Variants in PRKCE observed in about 807,000 individuals in gnomAD.
PRKCE encodes protein kinase C epsilon type.
In PRKCE, 16 loss-of-function variants were observed where a neutral mutation model predicts 85.4. That is an observed-to-expected ratio of 0.19 (90% CI 0.13 to 0.28). The LOEUF (loss-of-function observed/expected upper bound fraction) is 0.28, where lower values mean the gene tolerates loss of function less well. Ranked by LOEUF, PRKCE falls within the 10% of genes least tolerant of loss-of-function variation. The pLI is 1.00. For missense variants in PRKCE, 573 were observed against 975.2 expected (o/e 0.59, Z 5.49); for synonymous variants, 388 against 371.5 (o/e 1.04, Z -0.51).
Position 46,155,673 on chromosome 2 carries a change from G to A in PRKCE, c.1921-3933G>A, listed in dbSNP as rs146267569. On this transcript the variant is annotated intron_variant, in intron 13 of 14. Transcript: ENST00000306156. The surrounding 1 kb of genome is among the most constrained non-coding windows in gnomAD (Gnocchi z 4.7). ...CTCAAATTCCTTGGTTCAGTAAATGGCACCCTGTCTTCCTTTCTAAACAGA... is the reference window on the plus strand; with the variant it reads ...CTCAAATTCCTTGGTTCAGTAAATGACACCCTGTCTTCCTTTCTAAACAGA... Among the ~76,000 whole-genome samples, 19 of 152,162 alleles carry A rather than the reference G, an allele frequency of 1.2e-4. No individual in the cohort carries two copies. The East Asian group carries it at 3.7e-3, about 29-fold the overall frequency.
chr2:45,735,178 A>G (rs1221972142), intron 1 of PRKCE, among the ~76,000 whole-genome samples: 1 of 152,234 alleles, frequency 6.6e-6, no homozygotes, highest in East Asian at 1.9e-4. Flanking sequence ...CATGTGGTCC[A>G]TCACCCCTGC....
At chr2:45,770,550 A>C (rs1235953471) in intron 1 of PRKCE, among the ~76,000 whole-genome samples, 2 of 152,208 alleles carry the variant, frequency 1.3e-5, no homozygotes, top group East Asian at 1.9e-4. Flanking sequence ...CTACCTTCAC[A>C]GGAGGACCAG....
intron 11 of PRKCE, among the ~76,000 whole-genome samples, chr2:46,098,042 G>A (rs1670874626): frequency 6.6e-6 from 1 of 152,224 alleles, no homozygotes; most frequent in East Asian, 1.9e-4. Context: ...GAGCAAACAG[G>A]AAGTTTGGAA....
chr2:45,948,721 G>A (rs1700409045), intron 2 of PRKCE, among the ~76,000 whole-genome samples: 1 of 152,106 alleles, frequency 6.6e-6, no homozygotes, highest in Non-Finnish European at 1.5e-5. Context: ...GGGGATTCCT[G>A]CTCTTTCTGT....
intron 1 of PRKCE, among the ~76,000 whole-genome samples, chr2:45,735,329 A>G (rs1182225318): frequency 6.6e-6 from 1 of 152,242 alleles, no homozygotes; most frequent in East Asian, 1.9e-4. Context: ...CATATGAACA[A>G]ATATATCTCG....
chr2:45,779,379 A>G (rs1237474632), intron 1 of PRKCE, among the ~76,000 whole-genome samples: 1 of 152,152 alleles, frequency 6.6e-6, no homozygotes, highest in Non-Finnish European at 1.5e-5. Flanking sequence ...GGATGAAGGC[A>G]CAGAGGCGGC....
intron 2 of PRKCE, among the ~76,000 whole-genome samples, chr2:45,925,753 A>T (rs1698569505): frequency 6.6e-6 from 1 of 152,222 alleles, no homozygotes; most frequent in South Asian, 2.1e-4. Context: ...GCTGACTTCT[A>T]TTAGGACTCT....
chr2:45,927,997 A>G (rs2104007720), intron 2 of PRKCE, among the ~76,000 whole-genome samples: 1 of 152,296 alleles, frequency 6.6e-6, no homozygotes, highest in East Asian at 1.9e-4. Flanking sequence ...TGATGAGCCC[A>G]GGGCCGAGGA....
In PRKCE at chr2:45,907,684, C is replaced by T. The variant is rs79716186; in HGVS notation, c.412+64621C>T. Reference sequence around the variant, plus strand: ...GAGCATGAGCCCACATCTGCCGTGGCCACCTCTCCAAGGCCAAGTGGAGCA... The same window carrying T: ...GAGCATGAGCCCACATCTGCCGTGGTCACCTCTCCAAGGCCAAGTGGAGCA... On this transcript the variant is annotated intron_variant, in intron 2 of 14. Transcript: ENST00000306156. This position sits in a 1 kb window ranked among gnomAD's most constrained non-coding sequence, Gnocchi z 4.5. Among the ~76,000 whole-genome samples, 226 of 152,302 alleles carry T rather than the reference C, an allele frequency of 1.5e-3. 2 individuals are homozygous for T. The highest frequency in any genetic ancestry group is 5.3e-3 in the African/African-American group (222 of 41,552).
At chr2:46,111,942 T>C (rs1387507387) in intron 11 of PRKCE, among the ~76,000 whole-genome samples, 1 of 152,192 alleles carries the variant, frequency 6.6e-6, no homozygotes, top group East Asian at 1.9e-4. Flanking sequence ...GTATGAAGGC[T>C]CTAGTTTCTC....
chr2:45,966,228 C>G (rs1701718459), intron 2 of PRKCE, among the ~76,000 whole-genome samples: 1 of 152,154 alleles, frequency 6.6e-6, no homozygotes. Context: ...TTACATATTG[C>G]ATGAATATGT....
intron 1 of PRKCE, among the ~76,000 whole-genome samples, chr2:45,746,201 T>C (rs1683125531): frequency 6.6e-6 from 1 of 152,176 alleles, no homozygotes; most frequent in Non-Finnish European, 1.5e-5. Context: ...TTCAGTCCCA[T>C]ACCTTTAAAT....
At chr2:45,984,744 C>A in intron 6 of PRKCE, 64 bp downstream of exon 6, 2 of 1,548,484 alleles carry the variant, frequency 1.3e-6, no homozygotes, top group Non-Finnish European at 1.7e-6. Flanking sequence ...CTGCCCCCAT[C>A]CCTGCTTTAT....
chr2:45,949,901 G>C (rs993243878), intron 2 of PRKCE, among the ~76,000 whole-genome samples: 1 of 150,150 alleles, frequency 6.7e-6, no homozygotes, highest in Non-Finnish European at 1.5e-5. Flanking sequence ...TTTTTTTAAA[G>C]AAAACTCAGT....
In PRKCE at chr2:46,038,388, A is replaced by G. The variant is rs563071913; in HGVS notation, c.1437+27871A>G. On this transcript the variant is annotated intron_variant, in intron 10 of 14. Transcript: ENST00000306156. ...AAGTTTTCCCCGATCTTATCATGGT[A>G]CAATGAAGAGTTGTATAAAAACTGT... is the stretch of plus-strand genomic sequence containing the variant. Among the ~76,000 whole-genome samples the G allele has an allele frequency of 5.9e-5, 9 of 152,286 alleles. No homozygotes were observed. The South Asian group carries it at 1.9e-3, about 32-fold the overall frequency.
chr2:45,708,281 G>A lies in PRKCE; in HGVS notation c.348+55833G>A, dbSNP rs946479080. ...AGAGATGGCTTATGTGTCCACCAAAGCCTACATCGTGGGAAAACAGCTAGA... is the reference window on the plus strand; with the variant it reads ...AGAGATGGCTTATGTGTCCACCAAAACCTACATCGTGGGAAAACAGCTAGA... On this transcript the variant is annotated intron_variant, in intron 1 of 14. Transcript: ENST00000306156. Among the ~76,000 whole-genome samples the A allele has an allele frequency of 3.3e-5, 5 of 152,260 alleles. No individual in the cohort carries two copies. In the South Asian group the frequency reaches 1.0e-3, roughly 32 times the overall value.
chr2:45,948,591 C>G (rs554293159), intron 2 of PRKCE, among the ~76,000 whole-genome samples: 1 of 152,222 alleles, frequency 6.6e-6, no homozygotes, highest in Non-Finnish European at 1.5e-5. Flanking sequence ...ATGAGCTATG[C>G]CAGCAGCACT....
intron 2 of PRKCE, among the ~76,000 whole-genome samples, chr2:45,935,782 C>A (rs1422278085): frequency 5.9e-4 from 80 of 134,584 alleles, no homozygotes; most frequent in South Asian, 7.3e-4. Flanking sequence ...GAGACTGTCT[C>A]AAAAAAAAAA....
chr2:45,812,409 G>A (rs1434908221), intron 1 of PRKCE, among the ~76,000 whole-genome samples: 1 of 152,192 alleles, frequency 6.6e-6, no homozygotes, highest in East Asian at 1.9e-4. Flanking sequence ...AGTACTTACG[G>A]AGCATTGGTG....
Sources: allele counts gnomAD v4.1 joint callset (sites outside exome capture counted in the v4.1 genomes callset), GRCh38; gene constraint gnomAD v4.1.1; non-coding constraint Gnocchi (gnomAD v3.1); transcripts MANE v1.5; gene names NCBI Gene and HGNC (gene_info 2026-07-23, HGNC 2026-07-21).